CRYBA4: variants seen among roughly 807,000 people sequenced by gnomAD.
CRYBA4 encodes crystallin beta A4, also known as beta-crystallin A4.
CRYBA4 carries 30 observed loss-of-function variants against 31.7 expected under a neutral mutation model. The ratio of observed to expected loss-of-function variants is 0.95; its 90% CI spans 0.71 to 1.28. The LOEUF (loss-of-function observed/expected upper bound fraction) is 1.28, where lower values mean the gene tolerates loss of function less well. CRYBA4 is among the 50% of genes most tolerant of loss of function. The pLI is 0.00. For missense variants in CRYBA4, 225 were observed against 260.7 expected (o/e 0.86, Z 0.94); for synonymous variants, 102 against 102.3 (o/e 1.00, Z 0.02).
chr22:26,595,494 G>A, the CRYBA4 span, among the ~76,000 whole-genome samples: 3 of 151,304 alleles, frequency 2.0e-5, no homozygotes, highest in East Asian at 2.0e-4. Context: ...CAGGAAAATC[G>A]CTTGAACCTG....
chr22:26,617,080 A>T (rs1254616194), upstream of CRYBA4, among the ~76,000 whole-genome samples: 1 of 152,128 alleles, frequency 6.6e-6, no homozygotes, highest in Non-Finnish European at 1.5e-5. Flanking sequence ...GGGTTGGTGT[A>T]TGGGTGCAAA....
At chr22:26,605,692 A>AAG in the CRYBA4 span, among the ~76,000 whole-genome samples, 9 of 148,898 alleles carry the variant, frequency 6.0e-5, no homozygotes, top group African/African-American at 2.2e-4. Context: ...AAAAAAAAAA[A>AAG]GGAAAATAGA....
chr22:26,630,073 C>T (rs1279252094), intron 5 of CRYBA4, among the ~76,000 whole-genome samples: 1 of 152,142 alleles, frequency 6.6e-6, no homozygotes. Flanking sequence ...ATTTGGGGAA[C>T]GAGTCAGATT....
chr22:26,614,160 T>C, the CRYBA4 span, among the ~76,000 whole-genome samples: 1 of 152,212 alleles, frequency 6.6e-6, no homozygotes. Context: ...GGTCCTGTGA[T>C]CCTGTGATCT....
At chr22:26,629,276 CT>C (rs796660077) in intron 5 of CRYBA4, among the ~76,000 whole-genome samples, 135 of 145,334 alleles carry the variant, frequency 9.3e-4, no homozygotes, top group Non-Finnish European at 9.6e-4. Context: ...GGTTTTTCAT[CT>C]TTTTTTTTTT....
intron 4 of CRYBA4, 36 bp downstream of exon 4, chr22:26,625,658 A>G: frequency 1.2e-6 from 2 of 1,610,212 alleles, no homozygotes; most frequent in Non-Finnish European, 1.7e-6. Context: ...GGGGAGGCCC[A>G]AGCCCCTCAT....
At chr22:26,601,419 G>C in the CRYBA4 span, among the ~76,000 whole-genome samples, 2,338 of 152,016 alleles carry the variant, frequency 0.015, 48 homozygotes, top group South Asian at 0.068. Flanking sequence ...AGGTGTTTAG[G>C]CTCACTCGAG....
the CRYBA4 span, among the ~76,000 whole-genome samples, chr22:26,606,945 TATTATAAGA>T: frequency 1.3e-5 from 2 of 151,956 alleles, no homozygotes; most frequent in South Asian, 4.1e-4. Context: ...CTTAGTTAAA[TATTATAAGA>T]AACTAATTCA....
At chr22:26,621,173 T>C (rs920550179), upstream of CRYBA4, among the ~76,000 whole-genome samples, 1 of 152,220 alleles carries the variant, frequency 6.6e-6, no homozygotes, top group Non-Finnish European at 1.5e-5. Flanking sequence ...ATTTGGCAAG[T>C]GTGCCACAGT....
At position 26,623,318 on chromosome 22, in the gene CRYBA4, G is replaced by A. The variant is rs749003359; in HGVS notation, c.124G>A (p.Glu42Lys). 4.3e-5 allele frequency: 69 copies of A among 1,614,088 alleles called. No individual in the cohort carries two copies. Among genetic ancestry groups the A allele is most frequent in the Non-Finnish European group, 5.5e-5 (65 of 1,180,018 alleles). The change falls in exon 3 of 6, where the codon GAG (glutamate) becomes AAG (lysine). Residue 42 changes from glutamate (E) to lysine (K), a missense_variant. By Grantham distance (56) the Glu-to-Lys change is moderately conservative. Transcript: ENST00000354760. ...ECPSVLELGF[E>K]TVRSLKVLSG... is the part of the protein sequence containing the mutation. ...CCCCAGCGTGCTGGAGCTTGGCTTC[G>A]AGACTGTGCGATCTTTGAAAGTGCT...
chr22:26,613,849 CA>C, the CRYBA4 span, among the ~76,000 whole-genome samples: 4 of 152,186 alleles, frequency 2.6e-5, no homozygotes, highest in African/African-American at 9.7e-5. Flanking sequence ...CTTTCAAAAG[CA>C]AATGGGAGAA....
upstream of CRYBA4, among the ~76,000 whole-genome samples, chr22:26,617,574 T>C (rs1388676932): frequency 6.6e-6 from 1 of 151,296 alleles, no homozygotes; most frequent in Non-Finnish European, 1.5e-5. Context: ...GATATTCTCA[T>C]TCTCTCTCTC....
chr22:26,601,549 A>G, the CRYBA4 span, among the ~76,000 whole-genome samples: 1 of 151,248 alleles, frequency 6.6e-6, no homozygotes, highest in Non-Finnish European at 1.5e-5. Context: ...CTGCTCCTGG[A>G]TGCATCCAGC....
At chr22:26,593,594 C>T in the CRYBA4 span, among the ~76,000 whole-genome samples, 46 of 151,362 alleles carry the variant, frequency 3.0e-4, no homozygotes, top group Non-Finnish European at 5.9e-4. Context: ...GGTGTGATCT[C>T]GGCTCACTGC....
chr22:26,607,888 C>T, the CRYBA4 span: 1 of 1,614,206 alleles, frequency 6.2e-7, no homozygotes, highest in Non-Finnish European at 8.5e-7. Flanking sequence ...GAGCCACTCA[C>T]CATTTTGATG....
chr22:26,607,875 G>A, the CRYBA4 span: 51 of 1,613,950 alleles, frequency 3.2e-5, no homozygotes, highest in African/African-American at 1.1e-4. Context: ...AGCCCCAGCC[G>A]GAGAGCCACT....
the CRYBA4 span, among the ~76,000 whole-genome samples, chr22:26,614,164 G>A: frequency 2.0e-5 from 3 of 152,246 alleles, no homozygotes; most frequent in African/African-American, 7.2e-5. Context: ...CTGTGATCCT[G>A]TGATCTCTCC....
At chr22:26,616,327 G>T in the CRYBA4 span, 9 of 1,611,514 alleles carry the variant, frequency 5.6e-6, no homozygotes, top group African/African-American at 1.3e-5. Flanking sequence ...CATGGTTCCC[G>T]CCTGCAAAAG....
chr22:26,609,959 C>T, the CRYBA4 span, among the ~76,000 whole-genome samples: 98 of 152,230 alleles, frequency 6.4e-4, 1 homozygote, highest in Admixed American at 1.2e-3. Flanking sequence ...CAGAGTAAGC[C>T]TCCAAATTAA....
Sources: allele counts gnomAD v4.1 joint callset (sites outside exome capture counted in the v4.1 genomes callset), GRCh38; gene constraint gnomAD v4.1.1; transcripts MANE v1.5; gene names NCBI Gene and HGNC (gene_info 2026-07-23, HGNC 2026-07-21).